Variants in RBFOX2 observed in about 807,000 individuals in gnomAD.
The protein encoded by RBFOX2 is RNA binding protein fox-1 homolog 2.
Under a neutral mutation model 49.1 loss-of-function variants are expected in RBFOX2, and 10 were observed. That is an observed-to-expected ratio of 0.20 (90% CI 0.13 to 0.35). RBFOX2 has a LOEUF of 0.35. Among genes scored for constraint, RBFOX2 ranks in the 10% least tolerant of loss-of-function variants. RBFOX2 has a pLI of 1.00. For missense variants in RBFOX2, 323 were observed against 486.9 expected (o/e 0.66, Z 3.17); for synonymous variants, 183 against 187.4 (o/e 0.98, Z 0.19).
chr22:35,896,545 T>C (rs965224080), intron 1 of RBFOX2, among the ~76,000 whole-genome samples: 1 of 152,198 alleles, frequency 6.6e-6, no homozygotes, highest in African/African-American at 2.4e-5. Context: ...TCACTCTCCC[T>C]ACCTAATATT....
intron 1 of RBFOX2, among the ~76,000 whole-genome samples, chr22:35,838,342 A>G (rs1395641057): frequency 6.6e-6 from 1 of 151,982 alleles, no homozygotes; most frequent in East Asian, 1.9e-4. Flanking sequence ...GGCCACAAAT[A>G]AACACAGAAA....
At chr22:35,747,329 C>T (rs931603402) in intron 9 of RBFOX2, 3 of 152,190 alleles carry the variant, frequency 2.0e-5, no homozygotes, top group African/African-American at 7.2e-5. Context: ...TCAAATAGAT[C>T]AGGAACCCTG....
At chr22:35,873,217 C>T (rs936906582) in intron 1 of RBFOX2, among the ~76,000 whole-genome samples, 7 of 151,982 alleles carry the variant, frequency 4.6e-5, no homozygotes, top group African/African-American at 1.2e-4. Context: ...CTGCAACCTT[C>T]GCCTCCCCAG....
exon 11 of RBFOX2, chr22:35,745,966 T>C: frequency 6.2e-7 from 1 of 1,613,974 alleles, no homozygotes; most frequent in Non-Finnish European, 8.5e-7. Context: ...AAGGGCATGG[T>C]AGGGGTCGGC....
At chr22:35,949,372 C>T (rs1376981892) in intron 1 of RBFOX2, among the ~76,000 whole-genome samples, 1 of 152,112 alleles carries the variant, frequency 6.6e-6, no homozygotes, top group African/African-American at 2.4e-5. Flanking sequence ...TATTCAAGTC[C>T]CTGCTTTCAA....
intron 9 of RBFOX2, among the ~76,000 whole-genome samples, chr22:35,755,754 C>A (rs948375869): frequency 6.6e-6 from 1 of 151,958 alleles, no homozygotes. Context: ...GCAAATGACA[C>A]GACAATAATA....
intron 1 of RBFOX2, among the ~76,000 whole-genome samples, chr22:35,817,981 C>G (rs915642022): frequency 6.6e-6 from 1 of 151,820 alleles, no homozygotes; most frequent in Non-Finnish European, 1.5e-5. Context: ...CACACACACA[C>G]ACACCCCTCT....
rs150255269 is a variant in RBFOX2 at position 35,772,976 on chromosome 22, G to C, written c.454-4627C>G. Among the ~76,000 whole-genome samples, 209 of 150,474 alleles carry C rather than the reference G, an allele frequency of 1.4e-3. 3 individuals carry two copies. The East Asian group carries it at 0.02, about 14-fold the overall frequency. ...AATCAAAAGCAGACAGATCTCCTGG[G>C]TATGGCCAGAACACAGAAATTTAAA... On this transcript the variant is annotated intron_variant, in intron 4 of 11. Coordinates refer to ENST00000405409, the Ensembl canonical transcript of RBFOX2.
At chr22:35,742,934 G>C (rs1440320936) in exon 12 of RBFOX2, 1 of 152,892 alleles carries the variant, frequency 6.5e-6, no homozygotes, top group Non-Finnish European at 1.5e-5. Flanking sequence ...AGCTCAGCGG[G>C]ATAGCCACAG....
intron 2 of RBFOX2, among the ~76,000 whole-genome samples, chr22:35,783,943 C>A (rs190337683): frequency 1.3e-5 from 2 of 152,324 alleles, no homozygotes; most frequent in Admixed American, 1.3e-4. Context: ...GCACACCCCC[C>A]TGAAAACCAC....
upstream of RBFOX2, among the ~76,000 whole-genome samples, chr22:35,940,881 CAT>C (rs1337460917): frequency 6.6e-6 from 1 of 152,070 alleles, no homozygotes; most frequent in Admixed American, 6.5e-5. Context: ...GCAGATTATT[CAT>C]AGAGGCAGAA....
chr22:35,815,187 C>T (rs889683282), intron 1 of RBFOX2, among the ~76,000 whole-genome samples: 3 of 152,086 alleles, frequency 2.0e-5, no homozygotes, highest in African/African-American at 4.8e-5. Context: ...AAAGCATGAA[C>T]CTAAAAGTCA....
At chr22:35,909,476 A>G (rs1457964821) in intron 1 of RBFOX2, among the ~76,000 whole-genome samples, 1 of 152,248 alleles carries the variant, frequency 6.6e-6, no homozygotes, top group Non-Finnish European at 1.5e-5. Context: ...TTAGCATTTT[A>G]CAAGTTGTCA....
At chr22:35,915,704 A>G (rs1471460498) in intron 1 of RBFOX2, among the ~76,000 whole-genome samples, 5 of 152,204 alleles carry the variant, frequency 3.3e-5, no homozygotes, top group African/African-American at 1.2e-4. Context: ...AAGTCCTTTT[A>G]CAGTCTCAAC....
intron 1 of RBFOX2, among the ~76,000 whole-genome samples, chr22:36,027,707 T>G (rs1037609326): frequency 6.6e-6 from 1 of 152,132 alleles, no homozygotes; most frequent in African/African-American, 2.4e-5. Flanking sequence ...CTTCTCACAC[T>G]CTGTGTGATT....
chr22:35,851,773 C>T (rs778557791), intron 1 of RBFOX2, among the ~76,000 whole-genome samples: 2 of 150,996 alleles, frequency 1.3e-5, no homozygotes, highest in Non-Finnish European at 3.0e-5. Flanking sequence ...GGCTCACCAC[C>T]GCAGCCGAGA....
chr22:35,998,945 C>A (rs1214406016), intron 1 of RBFOX2: 1 of 152,674 alleles, frequency 6.5e-6, no homozygotes, highest in Non-Finnish European at 1.5e-5. Flanking sequence ...CAATAACTTC[C>A]TTTCCAATTA....
intron 1 of RBFOX2, among the ~76,000 whole-genome samples, chr22:36,022,278 T>C (rs1332988175): frequency 6.6e-6 from 1 of 152,216 alleles, no homozygotes; most frequent in African/African-American, 2.4e-5. Context: ...TCAGCAGTCC[T>C]GTAAACTTGA....
At chr22:35,912,213 C>A (rs1382762205) in intron 1 of RBFOX2, among the ~76,000 whole-genome samples, 4 of 152,134 alleles carry the variant, frequency 2.6e-5, no homozygotes, top group Non-Finnish European at 5.9e-5. Context: ...TCAGAGCACA[C>A]CACTGGGAAA....
Sources: gnomAD v4.1 joint callset for allele counts (sites outside exome capture counted in the v4.1 genomes callset) on GRCh38, gnomAD v4.1.1 for gene constraint, MANE v1.5 for transcripts, NCBI Gene and HGNC (gene_info 2026-07-23, HGNC 2026-07-21) for gene names.